Variants in GARNL3 observed in about 807,000 individuals in gnomAD.
The protein encoded by GARNL3 is GTPase-activating Rap/Ran-GAP domain-like protein 3.
Under a neutral mutation model 125.0 loss-of-function variants are expected in GARNL3, and 63 were observed. That is an observed-to-expected ratio of 0.50 (90% CI 0.41 to 0.62). The LOEUF is 0.62. GARNL3 is among the 20% of genes least tolerant of loss of function. The pLI is 0.00. For missense variants in GARNL3, 994 were observed against 1,244.0 expected (o/e 0.80, Z 3.02); for synonymous variants, 439 against 457.5 (o/e 0.96, Z 0.52).
intron 2 of GARNL3, among the ~76,000 whole-genome samples, chr9:127,311,072 T>C (rs2065082801): frequency 6.6e-6 from 1 of 152,174 alleles, no homozygotes; most frequent in South Asian, 2.1e-4. Context: ...AGCCTAATTG[T>C]CCAGTATTAT....
rs768113089 is a variant in GARNL3 at position 127,332,362 on chromosome 9, C to T, written c.670+13C>T. 6.2e-7 allele frequency: 1 copy of T among 1,606,890 alleles called. No individual in the cohort carries two copies. The highest frequency in any genetic ancestry group is 8.5e-7 in the Non-Finnish European group (1 of 1,173,574). On this transcript the variant is annotated intron_variant, in intron 8 of 27. Coordinates refer to ENST00000373387, the MANE Select transcript of GARNL3 (RefSeq NM_032293.5). ...ATGTTCAGCAATGGTGAGTGATCTC[C>T]TCCCGCTCTCTGCTGCCAGAGACCC...
At chr9:127,339,588 G>A (rs907359388) in intron 12 of GARNL3, 57 bp from the exon 13 acceptor site, 3 of 1,266,782 alleles carry the variant, frequency 2.4e-6, no homozygotes, top group Non-Finnish European at 3.5e-6. Context: ...ATTTGGGTGG[G>A]GACACAGCCA....
intron 2 of GARNL3, among the ~76,000 whole-genome samples, chr9:127,253,003 T>C (rs945019744): frequency 1.3e-5 from 2 of 152,244 alleles, no homozygotes; most frequent in Non-Finnish European, 2.9e-5. Flanking sequence ...AGTGGCATTG[T>C]ATTAACCTCT....
chr9:127,240,570 A>G (rs1362220019), intron 1 of GARNL3, among the ~76,000 whole-genome samples: 3 of 152,192 alleles, frequency 2.0e-5, no homozygotes, highest in Admixed American at 6.5e-5. Flanking sequence ...AGCAACCTAC[A>G]TATGTGACTT....
upstream of GARNL3, among the ~76,000 whole-genome samples, chr9:127,260,475 T>C (rs1213555188): frequency 6.6e-6 from 1 of 152,230 alleles, no homozygotes; most frequent in Non-Finnish European, 1.5e-5. Flanking sequence ...TTTTCTTCAC[T>C]GACACACTAA....
At position 127,392,375 on chromosome 9, in the gene GARNL3, G is replaced by C. The variant is rs1338894753; in HGVS notation, c.2871-708G>C. On this transcript the variant is annotated intron_variant, in intron 27 of 27. Coordinates refer to ENST00000373387, the MANE Select transcript of GARNL3 (RefSeq NM_032293.5). This position sits in a 1 kb window ranked among gnomAD's most constrained non-coding sequence, Gnocchi z 5.2. ...GAGGGGTCAAGGAAAGCTTTTTGAGGAAGTAGCATTGGGCTGGGCTTGGAA... is the reference window on the plus strand; with the variant it reads ...GAGGGGTCAAGGAAAGCTTTTTGAGCAAGTAGCATTGGGCTGGGCTTGGAA... Among the ~76,000 whole-genome samples the C allele has an allele frequency of 6.6e-6, 1 of 152,232 alleles. No homozygotes were observed. Among genetic ancestry groups the C allele is most frequent in the Non-Finnish European group, 1.5e-5 (1 of 68,048 alleles).
At chr9:127,294,976 G>A (rs376231199) in intron 2 of GARNL3, among the ~76,000 whole-genome samples, 7 of 152,238 alleles carry the variant, frequency 4.6e-5, no homozygotes, top group East Asian at 1.9e-4. Context: ...TTTAAGATGG[G>A]GTCGTCAGAA....
At chr9:127,329,451 G>A (rs929210568) in intron 7 of GARNL3, among the ~76,000 whole-genome samples, 1 of 152,106 alleles carries the variant, frequency 6.6e-6, no homozygotes, top group Non-Finnish European at 1.5e-5. Context: ...TGCAACCCTT[G>A]CTGCTTTACA....
In GARNL3 at chr9:127,348,897, T is replaced by A. The variant is rs62579673; in HGVS notation, c.1432-27T>A. The A allele has an allele frequency of 5.3e-4, 802 of 1,511,722 alleles. 7 individuals carry two copies. Among genetic ancestry groups the A allele is most frequent in the Middle Eastern group, 3.8e-3 (17 of 4,512 alleles). 93.6% of individuals were successfully genotyped at this position (1,511,722 alleles called of 1,614,324 possible). Reference sequence around the variant, plus strand: ...CAGTGTATTTTTTCTGGTGCACTTATCTTCCGATGCTTGTATTGCCTCACA... The same window carrying A: ...CAGTGTATTTTTTCTGGTGCACTTAACTTCCGATGCTTGTATTGCCTCACA... On this transcript the variant is annotated intron_variant, in intron 16 of 27. Coordinates refer to ENST00000373387, the MANE Select transcript of GARNL3 (RefSeq NM_032293.5).
intron 2 of GARNL3, among the ~76,000 whole-genome samples, chr9:127,301,801 C>T (rs2064795769): frequency 6.6e-6 from 1 of 151,986 alleles, no homozygotes; most frequent in Admixed American, 6.6e-5. Flanking sequence ...ATGAGTGTGA[C>T]CCCTGGGTGG....
Position 127,384,965 on chromosome 9 carries a change from T to G in GARNL3, c.2270-62T>G. On this transcript the variant is annotated intron_variant, in intron 23 of 27. Transcript: ENST00000373387. The surrounding 1 kb of genome is among the most constrained non-coding windows in gnomAD (Gnocchi z 4.0). ...AGAAGTGAGTGTGACTATGACACAG[T>G]CACAGCCCCTTCGCGGCCACCAAGC... 1.1e-6 allele frequency: 1 copy of G among 938,954 alleles called. No homozygotes were observed. Among genetic ancestry groups the G allele is most frequent in the Non-Finnish European group, 1.7e-6 (1 of 594,260 alleles). The allele number at this position is 938,954 out of a possible 1,614,324, so 58.2% of individuals were successfully genotyped here.
chr9:127,243,187 C>A, exon 2 of GARNL3: 1 of 1,366,542 alleles, frequency 7.3e-7, no homozygotes, highest in Non-Finnish European at 9.8e-7. Flanking sequence ...CTCTCTCCTT[C>A]GGCATCCAGC....
chr9:127,354,533 ACATCACAAAAATAG>A, intron 19 of GARNL3, 123 bp downstream of exon 19: 1 of 602,070 alleles, frequency 1.7e-6, no homozygotes, highest in Admixed American at 2.9e-5. Context: ...TTGTTTGGAA[ACATCACAAAAATAG>A]CATCACTGTT....
chr9:127,384,962 C>T lies in GARNL3; in HGVS notation c.2270-65C>T. On this transcript the variant is annotated intron_variant, in intron 23 of 27. Transcript: ENST00000373387. This position sits in a 1 kb window ranked among gnomAD's most constrained non-coding sequence, Gnocchi z 4.0. The stretch of plus-strand genomic sequence containing the variant: ...TAGAGAAGTGAGTGTGACTATGACA[C>T]AGTCACAGCCCCTTCGCGGCCACCA... 1.2e-6 allele frequency: 1 copy of T among 836,960 alleles called. No individual in the cohort carries two copies. The highest frequency in any genetic ancestry group is 1.9e-6 in the Non-Finnish European group (1 of 519,646). 51.8% of individuals were successfully genotyped at this position (836,960 alleles called of 1,614,324 possible). A position where few individuals can be genotyped will look rare whatever the true frequency, so the allele number is the denominator to read the frequency against.
intron 22 of GARNL3, among the ~76,000 whole-genome samples, chr9:127,366,306 T>G (rs1270594323): frequency 6.6e-6 from 1 of 152,242 alleles, no homozygotes; most frequent in African/African-American, 2.4e-5. Flanking sequence ...GTTAAACCTC[T>G]TCAACAATAA....
chr9:127,381,592 T>G (rs774913266), intron 22 of GARNL3, among the ~76,000 whole-genome samples: 3 of 151,620 alleles, frequency 2.0e-5, no homozygotes, highest in Admixed American at 6.6e-5. Flanking sequence ...TTCTAGCTTT[T>G]CTTTTCTTTT....
intron 3 of GARNL3, among the ~76,000 whole-genome samples, chr9:127,312,008 A>G (rs1030152626): frequency 5.9e-5 from 9 of 152,162 alleles, no homozygotes; most frequent in Non-Finnish European, 8.8e-5. Context: ...GTGATTTGAG[A>G]GATAAGACGA....
At chr9:127,226,738 G>A (rs774977571) in intron 1 of GARNL3, among the ~76,000 whole-genome samples, 3 of 152,150 alleles carry the variant, frequency 2.0e-5, no homozygotes, top group Admixed American at 6.5e-5. Context: ...ATAACACTGC[G>A]TGTAGTTACC....
intron 22 of GARNL3, among the ~76,000 whole-genome samples, chr9:127,378,765 T>TGTTTG (rs1564195087): frequency 5.2e-4 from 79 of 152,096 alleles, no homozygotes; most frequent in African/African-American, 1.9e-3. Flanking sequence ...TATATATATT[T>TGTTTG]TTTGTTTGTT....
Sources: gnomAD v4.1 joint callset for allele counts (sites outside exome capture counted in the v4.1 genomes callset) on GRCh38, gnomAD v4.1.1 for gene constraint, Gnocchi (gnomAD v3.1) non-coding constraint, MANE v1.5 for transcripts, NCBI Gene and HGNC (gene_info 2026-07-23, HGNC 2026-07-21) for gene names.